PLXNA4: variants seen among roughly 807,000 people sequenced by gnomAD.
The protein encoded by PLXNA4 is plexin-A4.
A neutral mutation model predicts 191.8 loss-of-function variants in PLXNA4; 44 were observed. The observed-to-expected ratio is 0.23, with a 90% CI of 0.18 to 0.29. The LOEUF (loss-of-function observed/expected upper bound fraction) is 0.29. Ranked by LOEUF, PLXNA4 falls within the 10% of genes least tolerant of loss-of-function variation. The pLI is 1.00. For missense variants in PLXNA4, 1,800 were observed against 2,488.8 expected (o/e 0.72, Z 5.89); for synonymous variants, 1,082 against 1,009.5 (o/e 1.07, Z -1.36).
chr7:132,497,948 A>C (rs1317293502), intron 2 of PLXNA4, among the ~76,000 whole-genome samples: 1 of 152,200 alleles, frequency 6.6e-6, no homozygotes, highest in East Asian at 1.9e-4. Flanking sequence ...CCACAGTCAC[A>C]ACAACCCAGT....
At chr7:132,193,997 C>G in intron 14 of PLXNA4, 65 bp downstream of exon 14, 1 of 1,561,168 alleles carries the variant, frequency 6.4e-7, no homozygotes, top group Non-Finnish European at 8.7e-7. Context: ...CTAGAGGGGC[C>G]CAGCAATCAT....
At chr7:132,164,330 A>G (rs766852864) in intron 23 of PLXNA4, 42 bp from the exon 24 acceptor site, 13 of 1,605,338 alleles carry the variant, frequency 8.1e-6, no homozygotes, top group Non-Finnish European at 1.1e-5. Flanking sequence ...CTCTTGGAAC[A>G]CTGGAGTGTA....
At chr7:132,583,619 G>C (rs1352232122) in intron 2 of PLXNA4, among the ~76,000 whole-genome samples, 2 of 152,212 alleles carry the variant, frequency 1.3e-5, no homozygotes, top group Admixed American at 6.5e-5. Context: ...GCCGCAGACA[G>C]TTGCCTTAGG....
At position 132,376,357 on chromosome 7, in the gene PLXNA4, A is replaced by G. The variant is rs542666764; in HGVS notation, c.1372-78135T>C. ...AAATCCATGTCTCTGCTGCTGCTCC[A>G]TGGAGGAGCAGGATGCTGGGGTTCC... On this transcript the variant is annotated intron_variant, in intron 3 of 31. Coordinates refer to ENST00000321063, the MANE Select transcript of PLXNA4 (RefSeq NM_020911.2). 3.9e-5 allele frequency among the ~76,000 whole-genome samples: 6 copies of G among 152,266 alleles called. No individual in the cohort carries two copies. The East Asian group carries it at 9.7e-4, about 25-fold the overall frequency.
intron 3 of PLXNA4, chr7:132,384,966 C>G: frequency 7.4e-7 from 1 of 1,354,450 alleles, no homozygotes; most frequent in Non-Finnish European, 9.5e-7. Context: ...CAAAATTACC[C>G]ATGGGACGCT....
At chr7:132,604,520 G>T (rs1301350573) in intron 2 of PLXNA4, among the ~76,000 whole-genome samples, 2 of 152,132 alleles carry the variant, frequency 1.3e-5, no homozygotes, top group Non-Finnish European at 2.9e-5. Context: ...ACATGAAATA[G>T]AAAAGAGTCT....
chr7:132,562,991 C>T (rs1437787045), intron 1 of PLXNA4, among the ~76,000 whole-genome samples: 2 of 75,796 alleles, frequency 2.6e-5, no homozygotes, highest in Admixed American at 1.2e-4. Flanking sequence ...TCCTTCTCCT[C>T]CTCCTCCTCC....
chr7:132,557,969 T>C (rs1585331711), intron 1 of PLXNA4, among the ~76,000 whole-genome samples: 1 of 152,116 alleles, frequency 6.6e-6, no homozygotes, highest in Non-Finnish European at 1.5e-5. Flanking sequence ...CAACCTTATG[T>C]TGGGTCCAGA....
intron 22 of PLXNA4, among the ~76,000 whole-genome samples, chr7:132,167,890 G>A (rs1295642206): frequency 6.6e-6 from 1 of 152,122 alleles, no homozygotes; most frequent in East Asian, 1.9e-4. Context: ...TGCTCCCGAT[G>A]CTGTCCTCTG....
chr7:132,464,808 G>A (rs533416857), intron 3 of PLXNA4, among the ~76,000 whole-genome samples: 4 of 152,280 alleles, frequency 2.6e-5, no homozygotes, highest in East Asian at 1.9e-4. Flanking sequence ...CAAGCTCAGC[G>A]GACCTACCCT....
intron 3 of PLXNA4, 94 bp downstream of exon 3, chr7:132,489,198 A>C: frequency 7.4e-7 from 1 of 1,346,152 alleles, no homozygotes. Flanking sequence ...ACCTGCCCAC[A>C]CGCCCAAGTT....
intron 1 of PLXNA4, among the ~76,000 whole-genome samples, chr7:132,562,929 TCCC>T (rs1801320590): frequency 6.2e-5 from 1 of 16,260 alleles, no homozygotes; most frequent in Non-Finnish European, 1.2e-4. Context: ...CCTCCTCCTC[TCCC>T]TCCTCCTCTC....
chr7:132,392,976 G>A (rs752015497), intron 3 of PLXNA4, among the ~76,000 whole-genome samples: 9 of 152,134 alleles, frequency 5.9e-5, no homozygotes, highest in Admixed American at 1.3e-4. Context: ...GCACGAAGGC[G>A]CTTCACAGCT....
chr7:132,508,631 G>T lies in PLXNA4; in HGVS notation c.63C>A (p.Gly21=). The T allele has an allele frequency of 6.2e-7, 1 of 1,603,562 alleles. No homozygotes were observed. The highest frequency in any genetic ancestry group is 8.5e-7 in the Non-Finnish European group (1 of 1,174,332). The change falls in exon 2 of 32, where the codon GGC becomes GGA. Residue 21 remains glycine, a synonymous_variant. Transcript: ENST00000321063. The surrounding 1 kb of genome is among the most constrained non-coding windows in gnomAD (Gnocchi z 4.4). ...GCTGCCGGGTGAGCAAAGTGGAGGA[G>T]CCCATGCCCACCATGAGGAGGTGGG... ...LLSHLLMVGM[G]SSTLLTRQPA... is the part of the protein sequence containing the mutation.
intron 3 of PLXNA4, among the ~76,000 whole-genome samples, chr7:132,318,916 G>A (rs960691030): frequency 1.3e-5 from 2 of 152,054 alleles, no homozygotes; most frequent in African/African-American, 4.8e-5. Flanking sequence ...ATTTTCTCCT[G>A]CAGCCAGCAG....
At chr7:132,532,426 A>G (rs1799654601) in intron 1 of PLXNA4, among the ~76,000 whole-genome samples, 1 of 152,212 alleles carries the variant, frequency 6.6e-6, no homozygotes, top group African/African-American at 2.4e-5. Context: ...GCAGTTGGGA[A>G]GAACTAGAAT....
At chr7:132,497,410 C>G (rs181855552) in intron 2 of PLXNA4, among the ~76,000 whole-genome samples, 1 of 152,158 alleles carries the variant, frequency 6.6e-6, no homozygotes, top group African/African-American at 2.4e-5. Context: ...GAGATGACAT[C>G]GTGTTTACTC....
At chr7:132,154,411 CTG>C (rs998294317) in intron 25 of PLXNA4, among the ~76,000 whole-genome samples, 8 of 55,104 alleles carry the variant, frequency 1.5e-4, no homozygotes, top group Non-Finnish European at 3.1e-4. Context: ...TAAAAACGTT[CTG>C]TTTTTTTTTT....
chr7:132,141,624 C>T (rs1382199528), intron 29 of PLXNA4, among the ~76,000 whole-genome samples: 2 of 152,180 alleles, frequency 1.3e-5, no homozygotes, highest in Non-Finnish European at 2.9e-5. Context: ...AGCATGGGAC[C>T]AAGGGAAGCA....
Sources: gnomAD v4.1 joint callset for allele counts (sites outside exome capture counted in the v4.1 genomes callset) on GRCh38, gnomAD v4.1.1 for gene constraint, Gnocchi (gnomAD v3.1) non-coding constraint, MANE v1.5 for transcripts, NCBI Gene and HGNC (gene_info 2026-07-23, HGNC 2026-07-21) for gene names.